SPTBN4: variants seen among roughly 807,000 people sequenced by gnomAD.
SPTBN4 encodes the protein spectrin beta chain, non-erythrocytic 4.
In SPTBN4, 96 loss-of-function variants were observed where a neutral mutation model predicts 277.8. The observed-to-expected ratio is 0.35, with a 90% CI of 0.29 to 0.41. SPTBN4 has a LOEUF of 0.41. Ranked by LOEUF, SPTBN4 falls within the 10% of genes least tolerant of loss-of-function variation. The pLI, the probability that SPTBN4 is intolerant of heterozygous loss-of-function variation, is 1.00. For synonymous variants in SPTBN4, 1,481 were observed against 1,580.3 expected, an observed-to-expected ratio of 0.94 and a Z score of 1.49; for missense variants, 3,006 against 3,595.7, an observed-to-expected ratio of 0.84 and a Z score of 4.19.
chr19:40,565,529 C>T lies in SPTBN4; in HGVS notation c.6022C>T (p.Leu2008=), dbSNP rs149928365. The T allele has an allele frequency of 5.0e-6, 8 of 1,614,022 alleles. No individual in the cohort carries two copies. The African/African-American group carries it at 1.1e-4, about 22-fold the overall frequency. ...CACCTGCCAGGAGCTGGGGCGATCTCTGCTGCTCAACAAAAGTGCCATGGC... is the reference window on the plus strand; with the variant it reads ...CACCTGCCAGGAGCTGGGGCGATCTTTGCTGCTCAACAAAAGTGCCATGGC... ...LTTCQELGRS[L]LLNKSAMADE... Residue 2008 remains leucine, a synonymous_variant, in exon 28 of 36, where the codon CTG becomes TTG. Coordinates refer to ENST00000598249, the MANE Select transcript of SPTBN4 (RefSeq NM_020971.3).
chr19:40,471,905 A>ATTT (rs34333509), intron 1 of SPTBN4, among the ~76,000 whole-genome samples: 43 of 109,342 alleles, frequency 3.9e-4, no homozygotes, highest in Non-Finnish European at 6.1e-4. Context: ...ACATCCAGCT[A>ATTT]TTTTTTTTTT....
intron 2 of SPTBN4, among the ~76,000 whole-genome samples, chr19:40,477,202 G>C (rs2079959045): frequency 6.6e-6 from 1 of 151,852 alleles, no homozygotes; most frequent in Non-Finnish European, 1.5e-5. Flanking sequence ...ATCATGCCCA[G>C]CTAATTTTCT....
intron 7 of SPTBN4, among the ~76,000 whole-genome samples, chr19:40,500,432 A>C (rs2080251337): frequency 6.6e-6 from 1 of 152,238 alleles, no homozygotes; most frequent in African/African-American, 2.4e-5. Flanking sequence ...TGTTCTTGAC[A>C]TCAAGCCTTG....
chr19:40,519,326 A>G lies in SPTBN4; in HGVS notation c.2904-75A>G, dbSNP rs779521356. Reference sequence around the variant, plus strand: ...GCTGGGTGGCTTGGGCCTGGATTCTACCCTGGGTCGGCGGGCCCTCCGCGC... The same window carrying G: ...GCTGGGTGGCTTGGGCCTGGATTCTGCCCTGGGTCGGCGGGCCCTCCGCGC... On this transcript the variant is annotated intron_variant, in intron 15 of 35. Transcript: ENST00000598249. This position sits in a 1 kb window ranked among gnomAD's most constrained non-coding sequence, Gnocchi z 5.7. The G allele has an allele frequency of 4.2e-5, 59 of 1,399,506 alleles. No homozygotes were observed. The highest frequency in any genetic ancestry group is 5.3e-5 in the Non-Finnish European group (57 of 1,076,952). 86.7% of individuals were successfully genotyped at this position (1,399,506 alleles called of 1,614,324 possible).
At chr19:40,571,098 G>A (rs896367774) in intron 33 of SPTBN4, 23 of 208,468 alleles carry the variant, frequency 1.1e-4, no homozygotes, top group South Asian at 6.8e-5. Context: ...CTGAAAGTGA[G>A]TAAATTGGAA....
intron 33 of SPTBN4, 111 bp from the exon 34 acceptor site, chr19:40,571,908 A>G: frequency 3.1e-6 from 4 of 1,307,716 alleles, no homozygotes; most frequent in Non-Finnish European, 4.0e-6. Flanking sequence ...ACTAGGGCGC[A>G]AAGGTCCAGA....
chr19:40,549,072 G>C (rs1452149957), intron 20 of SPTBN4, 117 bp from the exon 21 acceptor site: 1 of 773,592 alleles, frequency 1.3e-6, no homozygotes, highest in Non-Finnish European at 2.0e-6. Context: ...TGAACAAGGA[G>C]AGGGTGGAAG....
intron 20 of SPTBN4, among the ~76,000 whole-genome samples, chr19:40,540,517 T>G (rs1445330601): frequency 6.6e-6 from 1 of 151,962 alleles, no homozygotes; most frequent in Non-Finnish European, 1.5e-5. Context: ...GCTGGGATTA[T>G]TCGCGTGAGC....
chr19:40,495,138 G>A (rs2080181689), intron 6 of SPTBN4, among the ~76,000 whole-genome samples, 161 bp downstream of exon 6: 1 of 151,954 alleles, frequency 6.6e-6, no homozygotes, highest in Non-Finnish European at 1.5e-5. Context: ...TCACACACAT[G>A]CCCTGCACAT....
At chr19:40,565,798 C>A in intron 29 of SPTBN4, 53 bp downstream of exon 29, 4 of 1,531,800 alleles carry the variant, frequency 2.6e-6, no homozygotes, top group South Asian at 1.2e-5. Flanking sequence ...CATGCTCCAG[C>A]CTGTCCAGCC....
At position 40,554,495 on chromosome 19, in the gene SPTBN4, G is replaced by A. The variant is rs368378860; in HGVS notation, c.4954-21G>A. 1.0e-5 allele frequency: 15 copies of A among 1,482,112 alleles called. No homozygotes were observed. Among genetic ancestry groups the A allele is most frequent in the Non-Finnish European group, 1.3e-5 (15 of 1,112,798 alleles). The allele number at this position is 1,482,112 out of a possible 1,614,324, so 91.8% of individuals were successfully genotyped here. On this transcript the variant is annotated intron_variant, in intron 23 of 35. Transcript: ENST00000598249. This position sits in a 1 kb window ranked among gnomAD's most constrained non-coding sequence, Gnocchi z 5.7. Reference sequence around the variant, plus strand: ...CGGGGGCCGCCGCTGCCGCCTCATCGTGGGCGCTTTGTGCCCCCAGGACGA... The same window carrying A: ...CGGGGGCCGCCGCTGCCGCCTCATCATGGGCGCTTTGTGCCCCCAGGACGA...
chr19:40,503,757 A>C, intron 11 of SPTBN4, 73 bp from the exon 12 acceptor site: 2 of 1,475,718 alleles, frequency 1.4e-6, no homozygotes, highest in South Asian at 1.3e-5. Context: ...GGGAGTCCCC[A>C]GGGTCACACA....
At chr19:40,526,061 G>A (rs985658313) in intron 17 of SPTBN4, among the ~76,000 whole-genome samples, 3 of 152,174 alleles carry the variant, frequency 2.0e-5, no homozygotes, top group African/African-American at 7.2e-5. Flanking sequence ...GGGCCCTGGG[G>A]GTCTTAGACC....
intron 7 of SPTBN4, among the ~76,000 whole-genome samples, chr19:40,500,329 A>G (rs2080250417): frequency 6.6e-6 from 1 of 152,224 alleles, no homozygotes; most frequent in South Asian, 2.1e-4. Flanking sequence ...ACAATGGGGA[A>G]ACTGAGGCTT....
In SPTBN4 at chr19:40,497,536, A is replaced by G. The variant is rs201930650; in HGVS notation, c.716A>G (p.Tyr239Cys). 14 of 1,614,094 alleles carry G rather than the reference A, an allele frequency of 8.7e-6. No individual in the cohort carries two copies. In the East Asian group the frequency reaches 1.6e-4, roughly 18 times the overall value. Residue 239 changes from tyrosine (Y) to cysteine (C), a missense_variant, in exon 7 of 36, where the codon TAC becomes TGC. By Grantham distance (194) the Tyr-to-Cys change is radical (BLOSUM62 -2). Coordinates refer to ENST00000598249, the MANE Select transcript of SPTBN4 (RefSeq NM_020971.3). ...AAACTCACCAAGTCCAATGCCAACT[A>G]CAACCTGCAGAGAGCCTTCCGCACA... ...FSKLTKSNAN[Y>C]NLQRAFRTAE... is the part of the protein sequence containing the mutation.
Position 40,520,083 on chromosome 19 carries a change from G to A in SPTBN4, c.3586G>A (p.Val1196Ile). Residue 1196 changes from valine (V) to isoleucine (I), a missense_variant, in exon 16 of 36, where the codon GTC becomes ATC. Transcript: ENST00000598249. ...GTGGGAGGCGCGCAGGGAGGCGCTG[G>A]TCCAGGCGCACATCTACCAGCTCTT... ...GLWEARREAL[V>I]QAHIYQLFLR... 1.3e-6 allele frequency: 2 copies of A among 1,498,476 alleles called. No homozygotes were observed. The highest frequency in any genetic ancestry group is 1.8e-6 in the Non-Finnish European group (2 of 1,128,246). The allele number at this position is 1,498,476 out of a possible 1,614,324, so 92.8% of individuals were successfully genotyped here. A position where few individuals can be genotyped will look rare whatever the true frequency, so the allele number is the denominator to read the frequency against.
At chr19:40,505,347 C>T (rs912391315) in intron 12 of SPTBN4, among the ~76,000 whole-genome samples, 1 of 131,412 alleles carries the variant, frequency 7.6e-6, no homozygotes, top group Non-Finnish European at 1.6e-5. Context: ...TGCACCACTA[C>T]ACTTCAACCT....
At chr19:40,534,033 CATCT>C (rs746748618) in intron 19 of SPTBN4, 43 bp from the exon 20 acceptor site, 120 of 1,548,410 alleles carry the variant, frequency 7.7e-5, no homozygotes, top group South Asian at 4.5e-4. Context: ...TTCTCCCCAC[CATCT>C]ATCTATCTTC....
At position 40,506,301 on chromosome 19, in the gene SPTBN4, T is replaced by G. The variant is rs1450502287; in HGVS notation, c.1731T>G (p.His577Gln). ...AGGCAGACGACCTGTTGCAGAAGCA[T>G]GGACTGCTGGAGGGAGACATTGCCG... The part of the protein sequence containing the change: ...LVEADDLLQK[H>Q]GLLEGDIAAQ... Residue 577 changes from histidine (H) to glutamine (Q), a missense_variant, in exon 13 of 36, where the codon CAT becomes CAG. His to Gln is a conservative substitution (Grantham distance 24). Around this residue, in one of 5 missense-constraint regions of SPTBN4, gnomAD observed 1,759 missense variants for 2,061.5 expected, o/e 0.85. Transcript: ENST00000598249. The G allele has an allele frequency of 6.2e-7, 1 of 1,613,948 alleles. No homozygotes were observed.
Sources: gnomAD v4.1 joint callset for allele counts (sites outside exome capture counted in the v4.1 genomes callset) on GRCh38, gnomAD v4.1.1 for gene constraint, gnomAD v4.1.1 regional missense constraint, Gnocchi (gnomAD v3.1) non-coding constraint, MANE v1.5 for transcripts, NCBI Gene and HGNC (gene_info 2026-07-23, HGNC 2026-07-21) for gene names.